WNK3: variants seen among roughly 807,000 people sequenced by gnomAD.
WNK3 encodes serine/threonine-protein kinase WNK3.
Under a neutral mutation model 116.7 loss-of-function variants are expected in WNK3, and 18 were observed. The observed-to-expected ratio is 0.15, with a 90% CI of 0.11 to 0.23. The LOEUF is 0.23. Ranked by LOEUF, WNK3 falls within the 10% of genes least tolerant of loss-of-function variation. The pLI, the probability that WNK3 is intolerant of heterozygous loss-of-function variation, is 1.00. For synonymous variants in WNK3, 404 were observed against 469.4 expected, an observed-to-expected ratio of 0.86 and a Z score of 1.80; for missense variants, 993 against 1,323.8, an observed-to-expected ratio of 0.75 and a Z score of 3.88.
exon 9 of WNK3, chrX:54,293,299 T>A: frequency 8.3e-7 from 1 of 1,197,863 alleles, no homozygotes. Flanking sequence ...GTATAACTGA[T>A]GCAGCTCCTG....
At chrX:54,259,431 T>C in intron 10 of WNK3, 93 bp from the exon 11 acceptor site, 3 of 464,136 alleles carry the variant, frequency 6.5e-6, no homozygotes, top group Admixed American at 8.5e-5. Flanking sequence ...ACGATAGTTT[T>C]GGTTACCTTG....
At chrX:54,269,722 C>T (rs1191221766) in intron 10 of WNK3, among the ~76,000 whole-genome samples, 1 of 110,534 alleles carries the variant, frequency 9.0e-6, no homozygotes, top group Non-Finnish European at 1.9e-5. Context: ...TACAACAGAA[C>T]AACTACCAGC....
In WNK3 at chrX:54,215,832, G is replaced by A. The variant is rs782018906; in HGVS notation, c.4870+12882C>T. Among the ~76,000 whole-genome samples the A allele has an allele frequency of 3.6e-5, 4 of 111,602 alleles. No homozygotes were observed. In the East Asian group the frequency reaches 1.1e-3, roughly 31 times the overall value. ...CCATGATGACGATGGCGGTTTTGTC[G>A]ACTAGAAAAGGGGGAAATGTGGGGA... is the stretch of plus-strand genomic sequence containing the variant. On this transcript the variant is annotated intron_variant, in intron 22 of 23. Coordinates refer to ENST00000354646, the Ensembl canonical transcript of WNK3.
chrX:54,257,787 C>A, intron 11 of WNK3, among the ~76,000 whole-genome samples: 1 of 57,338 alleles, frequency 1.7e-5, no homozygotes, highest in Non-Finnish European at 3.0e-5. Flanking sequence ...AAGACTCTGC[C>A]TCAAAAAAAA....
intron 11 of WNK3, among the ~76,000 whole-genome samples, 169 bp downstream of exon 11, chrX:54,259,105 C>T (rs1557156149): frequency 1.0e-5 from 1 of 96,731 alleles, no homozygotes; most frequent in Non-Finnish European, 2.0e-5. Context: ...ATGATCCCTA[C>T]TGACATAAAA....
chrX:54,309,388 T>G, intron 3 of WNK3, 73 bp from the exon 4 acceptor site: 1 of 803,153 alleles, frequency 1.2e-6, no homozygotes, highest in Non-Finnish European at 1.8e-6. Flanking sequence ...TTAAGGTAAG[T>G]TACATAAGCA....
intron 10 of WNK3, among the ~76,000 whole-genome samples, chrX:54,279,799 T>G (rs1235687532): frequency 8.9e-6 from 1 of 111,897 alleles, no homozygotes; most frequent in Non-Finnish European, 1.9e-5. Flanking sequence ...TCAACTCATT[T>G]AACTGTACAC....
chrX:54,316,001 C>CT (rs2068950701), intron 2 of WNK3, among the ~76,000 whole-genome samples: 1 of 111,480 alleles, frequency 9.0e-6, no homozygotes, highest in South Asian at 3.8e-4. Flanking sequence ...CCTTTAGACC[C>CT]TCAAGACTAA....
At chrX:54,238,735 T>G in intron 18 of WNK3, 133 bp downstream of exon 18, 1 of 551,793 alleles carries the variant, frequency 1.8e-6, no homozygotes, top group Non-Finnish European at 2.8e-6. Flanking sequence ...AAAATGGCAA[T>G]GACATTAATG....
chrX:54,275,492 C>G (rs2068436775), intron 10 of WNK3, among the ~76,000 whole-genome samples: 1 of 92,580 alleles, frequency 1.1e-5, no homozygotes, highest in South Asian at 5.7e-4. Flanking sequence ...TTAGAGCAAC[C>G]ACTAAGAAAA....
At chrX:54,274,967 A>G (rs1227369882) in intron 10 of WNK3, among the ~76,000 whole-genome samples, 1 of 102,147 alleles carries the variant, frequency 9.8e-6, no homozygotes, top group African/African-American at 3.6e-5. Context: ...ACCATGACTG[A>G]GCCACTGCAC....
intron 2 of WNK3, among the ~76,000 whole-genome samples, chrX:54,323,092 T>C (rs975814939): frequency 2.7e-5 from 3 of 110,914 alleles, no homozygotes; most frequent in African/African-American, 9.8e-5. Context: ...GTCTCAAAGA[T>C]CTACCCCCAA....
chrX:54,287,171 T>A (rs2068590414), intron 10 of WNK3, among the ~76,000 whole-genome samples: 2 of 111,603 alleles, frequency 1.8e-5, no homozygotes, highest in South Asian at 3.8e-4. Flanking sequence ...AAGATGTACA[T>A]GTAATGCCTT....
chrX:54,305,828 G>T (rs1323307644), intron 5 of WNK3, among the ~76,000 whole-genome samples: 1 of 110,252 alleles, frequency 9.1e-6, no homozygotes, highest in Non-Finnish European at 1.9e-5. Flanking sequence ...GGCCAAGGTG[G>T]GTAGATCACG....
chrX:54,290,876 G>C (rs1453294062), intron 10 of WNK3, among the ~76,000 whole-genome samples: 1 of 111,353 alleles, frequency 9.0e-6, no homozygotes, highest in Non-Finnish European at 1.9e-5. Flanking sequence ...CAAATTTCTT[G>C]CTTATGTGGC....
At chrX:54,261,475 T>C (rs2068255331) in intron 10 of WNK3, among the ~76,000 whole-genome samples, 1 of 111,326 alleles carries the variant, frequency 9.0e-6, no homozygotes, top group Admixed American at 9.6e-5. Context: ...ATTGATATAA[T>C]GATGACCTAC....
chrX:54,214,926 T>C (rs1288102031), intron 22 of WNK3, among the ~76,000 whole-genome samples: 1 of 108,561 alleles, frequency 9.2e-6, no homozygotes, highest in Non-Finnish European at 1.9e-5. Flanking sequence ...GGCAGGAAAA[T>C]GGCGTGAACC....
At chrX:54,348,326 G>A (rs370962971) in intron 1 of WNK3, among the ~76,000 whole-genome samples, 1 of 110,167 alleles carries the variant, frequency 9.1e-6, no homozygotes, top group Non-Finnish European at 1.9e-5. Flanking sequence ...ACAGGCGCAC[G>A]CCACCATGCC....
rs782200825 is a variant in WNK3, at chrX:54,249,563, G to A, written c.2785C>T (p.Arg929Cys). 4.1e-6 allele frequency: 5 copies of A among 1,211,324 alleles called. No homozygotes were observed. The highest frequency in any genetic ancestry group is 1.8e-5 in the South Asian group (1 of 56,975). ...TCTGATTTGGAGGTGAAAAGTGCACGGTGGCATGGATTATTTTCTATAGTG... is the reference window on the plus strand; with the variant it reads ...TCTGATTTGGAGGTGAAAAGTGCACAGTGGCATGGATTATTTTCTATAGTG... The change falls in exon 17 of 24, where the codon CGT becomes TGT. Residue 929 changes from arginine (R) to cysteine (C), a missense_variant. Arg to Cys is a radical substitution (Grantham distance 180, BLOSUM62 -3). Coordinates refer to ENST00000354646, the Ensembl canonical transcript of WNK3.
Sources: gnomAD v4.1 joint callset for allele counts (sites outside exome capture counted in the v4.1 genomes callset) on GRCh38, gnomAD v4.1.1 for gene constraint, MANE v1.5 for transcripts, NCBI Gene and HGNC (gene_info 2026-07-23, HGNC 2026-07-21) for gene names.